RAB40A: variants seen among roughly 807,000 people sequenced by gnomAD.
The protein encoded by RAB40A is RAB40A, member RAS oncogene family.
For missense variants in RAB40A, 145 were observed against 230.2 expected, an observed-to-expected ratio of 0.63 and a Z score of 2.40; for synonymous variants, 65 against 99.9, an observed-to-expected ratio of 0.65 and a Z score of 2.08.
chrX:103,509,305 C>T (rs373255814), intron 2 of RAB40A, among the ~76,000 whole-genome samples: 1 of 105,254 alleles, frequency 9.5e-6, no homozygotes, highest in Non-Finnish European at 1.9e-5. Context: ...CTCTCTCTCT[C>T]TCTCTCTCTC....
downstream of RAB40A, among the ~76,000 whole-genome samples, chrX:103,496,698 G>A (rs1300021557): frequency 8.9e-6 from 1 of 112,456 alleles, no homozygotes; most frequent in Non-Finnish European, 1.9e-5. Context: ...TGAAGCAATA[G>A]TATGGGATAT....
At chrX:103,510,006 A>G (rs1165791176) in intron 2 of RAB40A, among the ~76,000 whole-genome samples, 1 of 110,818 alleles carries the variant, frequency 9.0e-6, no homozygotes, top group East Asian at 2.8e-4. Flanking sequence ...GGGTTTCACC[A>G]TGTTGGTCAG....
At position 103,500,613 on chromosome X, in the gene RAB40A, C is replaced by G. The variant is rs139170788; in HGVS notation, c.144G>C (p.Gly48=). 2 of 1,211,090 alleles carry G rather than the reference C, an allele frequency of 1.7e-6. No individual in the cohort carries two copies. The highest frequency in any genetic ancestry group is 2.2e-6 in the Non-Finnish European group (2 of 895,291). ...GGATGGTGGTCGTCTTGTAGTCGATCCCCCCGAGATGGCTGTACGGGGACT... is the reference window on the plus strand; with the variant it reads ...GGATGGTGGTCGTCTTGTAGTCGATGCCCCCGAGATGGCTGTACGGGGACT... ...AAESPYSHLG[G]IDYKTTTILL... The change falls in exon 3 of 3, where the codon GGG becomes GGC. Residue 48 remains glycine, a synonymous_variant. Coordinates refer to ENST00000304236, the MANE Select transcript of RAB40A (RefSeq NM_080879.3).
chrX:103,502,199 A>G (rs1312643675), intron 2 of RAB40A: 1 of 122,768 alleles, frequency 8.1e-6, no homozygotes. Flanking sequence ...ACGTGAATAA[A>G]GGATAAGAAA....
intron 2 of RAB40A, among the ~76,000 whole-genome samples, chrX:103,506,893 T>C (rs73520352): frequency 0.077 from 8,626 of 112,110 alleles, 846 homozygotes; most frequent in African/African-American, 0.27. Context: ...TTGTTAGTTC[T>C]TGTGGTTTTT....
chrX:103,515,431 T>C (rs2073311826), intron 2 of RAB40A, among the ~76,000 whole-genome samples: 1 of 112,343 alleles, frequency 8.9e-6, no homozygotes, highest in South Asian at 3.7e-4. Context: ...ATGTTTCAAA[T>C]TTAAATAATC....
intron 2 of RAB40A, among the ~76,000 whole-genome samples, chrX:103,508,756 G>T (rs1404077416): frequency 1.8e-5 from 2 of 111,946 alleles, no homozygotes; most frequent in Non-Finnish European, 3.8e-5. Context: ...CTTCCCCATG[G>T]TGGTAAGACA....
the RAB40A span, among the ~76,000 whole-genome samples, chrX:103,493,972 T>C: frequency 8.9e-6 from 1 of 112,418 alleles, no homozygotes; most frequent in Non-Finnish European, 1.9e-5. Flanking sequence ...GCGGGTCATA[T>C]GGAAGTTCAA....
chrX:103,504,504 A>AAT lies in RAB40A; in HGVS notation c.-70-3680_-70-3679dup, dbSNP rs1377629066. On this transcript the variant is annotated intron_variant, in intron 2 of 2. Transcript: ENST00000304236. ...TTCATTGACTACAGAAAGGCATCAG[A>AAT]ATATATATATATTTTTATTTTATTT... Among the ~76,000 whole-genome samples, 131 of 110,792 alleles carry AAT rather than the reference A, an allele frequency of 1.2e-3. 1 individual carries two copies. The highest frequency in any genetic ancestry group is 7.0e-3 in the Admixed American group (72 of 10,358).
At chrX:103,518,234 T>C (rs978713768) in intron 1 of RAB40A, among the ~76,000 whole-genome samples, 3 of 111,603 alleles carry the variant, frequency 2.7e-5, no homozygotes, top group Non-Finnish European at 3.8e-5. Flanking sequence ...TTTTTAAAAT[T>C]GGAAAGTTTT....
downstream of RAB40A, among the ~76,000 whole-genome samples, chrX:103,496,738 G>A (rs1246476603): frequency 4.4e-5 from 5 of 112,458 alleles, no homozygotes; most frequent in Admixed American, 3.8e-4. Flanking sequence ...TCAACTGATA[G>A]CACAGTTCCT....
At chrX:103,513,419 C>T (rs1404936781) in intron 2 of RAB40A, among the ~76,000 whole-genome samples, 1 of 111,061 alleles carries the variant, frequency 9.0e-6, no homozygotes, top group African/African-American at 3.3e-5. Context: ...TCTCACTCGG[C>T]CCAGGGCCCC....
intron 2 of RAB40A, among the ~76,000 whole-genome samples, chrX:103,504,111 A>G (rs2073242596): frequency 9.0e-6 from 1 of 111,728 alleles, no homozygotes; most frequent in Admixed American, 9.5e-5. Context: ...GTTTTCACTT[A>G]TAAGTGGAAA....
chrX:103,494,558 G>C (rs1028590272), downstream of RAB40A, among the ~76,000 whole-genome samples: 8 of 112,267 alleles, frequency 7.1e-5, no homozygotes, highest in African/African-American at 2.6e-4. Context: ...ATAGTTTGAA[G>C]TCTTAGATTT....
chrX:103,510,892 C>T (rs137891150), intron 2 of RAB40A, among the ~76,000 whole-genome samples: 2,173 of 111,734 alleles, frequency 0.019, 23 homozygotes, highest in Non-Finnish European at 0.033. Context: ...CATTATAACA[C>T]GGCATATTTT....
chrX:103,495,995 C>T (rs1474533938), downstream of RAB40A, among the ~76,000 whole-genome samples: 1 of 111,816 alleles, frequency 8.9e-6, no homozygotes, highest in Admixed American at 9.5e-5. Context: ...AGATGAATTG[C>T]CCTTTTTATC....
intron 2 of RAB40A, among the ~76,000 whole-genome samples, chrX:103,505,903 A>G (rs1034312642): frequency 8.9e-6 from 1 of 111,925 alleles, no homozygotes; most frequent in African/African-American, 3.2e-5. Context: ...TAGACTGACA[A>G]TCTACCTGAA....
At chrX:103,501,806 C>A (rs184959595) in intron 2 of RAB40A, 1,528 of 121,893 alleles carry the variant, frequency 0.013, 15 homozygotes, top group African/African-American at 0.022. Flanking sequence ...TAGAAAAAAA[C>A]CGAAAAAGAA....
intron 2 of RAB40A, among the ~76,000 whole-genome samples, chrX:103,515,171 T>C (rs2073310242): frequency 8.9e-6 from 1 of 112,613 alleles, no homozygotes; most frequent in African/African-American, 3.2e-5. Context: ...CCAGGTCTCC[T>C]GTTCAGTCTG....
Sources: allele counts gnomAD v4.1 joint callset (sites outside exome capture counted in the v4.1 genomes callset), GRCh38; gene constraint gnomAD v4.1.1; transcripts MANE v1.5; gene names NCBI Gene and HGNC (gene_info 2026-07-23, HGNC 2026-07-21).